Variants in POLN observed in about 807,000 individuals in gnomAD.
The protein encoded by POLN is DNA polymerase nu, also known as DNA polymerase N.
A neutral mutation model predicts 113.5 loss-of-function variants in POLN; 108 were observed. The observed-to-expected ratio is 0.95, with a 90% CI of 0.81 to 1.12. The LOEUF is 1.12. Ranked by LOEUF, POLN falls within the 50% of genes most tolerant of loss-of-function variation. The pLI is 0.00. For synonymous variants in POLN, 386 were observed against 391.5 expected (o/e 0.99, Z 0.17); for missense variants, 1,097 against 1,077.1 (o/e 1.02, Z -0.26).
intron 3 of POLN, 95 bp downstream of exon 3, chr4:2,229,004 A>C (rs1734482148): frequency 8.0e-7 from 1 of 1,250,866 alleles, no homozygotes. Flanking sequence ...GCTGGGCTTC[A>C]TCTGTCTACA....
chr4:2,079,526 G>T, intron 23 of POLN: 1 of 985,828 alleles, frequency 1.0e-6, no homozygotes, highest in South Asian at 4.7e-5. Context: ...GTGTGTGCAC[G>T]TGTGTGTTGG....
chr4:2,242,098 T>G lies in POLN; in HGVS notation c.-331A>C. On this transcript the variant is annotated 5_prime_UTR_variant, in exon 1 of 26. Transcript: ENST00000511885. ...TCGCAGGAGCCCGCCGCCACCGCCC[T>G]CCGTGCCCCGCGCGCCTCGCACTGC... The G allele has an allele frequency of 1.2e-5, 12 of 985,868 alleles. No individual in the cohort carries two copies. Among genetic ancestry groups the G allele is most frequent in the Middle Eastern group, 1.0e-3 (2 of 1,918 alleles). The allele number at this position is 985,868 out of a possible 1,614,324, so 61.1% of individuals were successfully genotyped here.
chr4:2,083,560 T>C (rs1466425478), intron 21 of POLN, among the ~76,000 whole-genome samples: 1 of 152,228 alleles, frequency 6.6e-6, no homozygotes, highest in African/African-American at 2.4e-5. Flanking sequence ...TCAAACCTCA[T>C]TTCTCCTCCA....
chr4:2,119,019 C>T lies in POLN; in HGVS notation c.1982+9094G>A, dbSNP rs181192153. Among the ~76,000 whole-genome samples the T allele has an allele frequency of 5.9e-5, 9 of 152,314 alleles. 1 individual carries two copies. The South Asian group carries it at 6.2e-4, about 11-fold the overall frequency. ...GGCCAAGTCTGACCCCTACCAGGTACGGAAGCACCATCTTCCCTGGACAGG... is the reference window on the plus strand; with the variant it reads ...GGCCAAGTCTGACCCCTACCAGGTATGGAAGCACCATCTTCCCTGGACAGG... On this transcript the variant is annotated intron_variant, in intron 19 of 25. Transcript: ENST00000511885.
intron 6 of POLN, among the ~76,000 whole-genome samples, chr4:2,197,120 G>C (rs1264555674): frequency 6.6e-6 from 1 of 152,170 alleles, no homozygotes; most frequent in Non-Finnish European, 1.5e-5. Flanking sequence ...GCAGTGATGT[G>C]GGGTTTTCCT....
Position 2,208,436 on chromosome 4 carries a change from G to C in POLN, c.265C>G (p.Pro89Ala), listed in dbSNP as rs1733912191. 1 of 1,586,748 alleles carries C rather than the reference G, an allele frequency of 6.3e-7. No individual in the cohort carries two copies. Among genetic ancestry groups the C allele is most frequent in the Non-Finnish European group, 8.5e-7 (1 of 1,172,018 alleles). Residue 89 changes from proline (P) to alanine (A), a missense_variant, in exon 5 of 26, where the codon CCT becomes GCT. By Grantham distance (27) the Pro-to-Ala change is conservative (BLOSUM62 -1). Transcript: ENST00000511885. ...GTGAGCCTGACACTGAAGGACTGAG[G>C]AGACAGCTTGGCAGAACCTCTTGAT... ...QTSRGSAKLSPQSFSVRLTDQ... is the reference protein window; with the variant it reads ...QTSRGSAKLSAQSFSVRLTDQ...
intron 16 of POLN, among the ~76,000 whole-genome samples, chr4:2,155,366 C>G (rs925489689): frequency 3.9e-5 from 6 of 152,234 alleles, no homozygotes; most frequent in Non-Finnish European, 7.3e-5. Flanking sequence ...AGGCCAGAGA[C>G]AGCTGGCAGC....
At chr4:2,184,162 T>C (rs1406125172) in intron 7 of POLN, among the ~76,000 whole-genome samples, 3 of 151,364 alleles carry the variant, frequency 2.0e-5, no homozygotes, top group Non-Finnish European at 4.4e-5. Flanking sequence ...CCAAAGTTTT[T>C]TTTTTTTTTT....
intron 7 of POLN, among the ~76,000 whole-genome samples, chr4:2,181,124 A>T (rs761281777): frequency 9.2e-5 from 14 of 151,978 alleles, no homozygotes; most frequent in Non-Finnish European, 1.8e-4. Flanking sequence ...AGAATTAAGG[A>T]AAGGGAATTT....
At chr4:2,204,454 T>C (rs567649653) in intron 5 of POLN, among the ~76,000 whole-genome samples, 2 of 151,814 alleles carry the variant, frequency 1.3e-5, no homozygotes, top group East Asian at 3.9e-4. Flanking sequence ...AACAAAAAAA[T>C]TACAAATAAA....
intron 5 of POLN, among the ~76,000 whole-genome samples, chr4:2,205,853 C>T (rs1185086239): frequency 3.5e-5 from 5 of 143,824 alleles, no homozygotes; most frequent in Admixed American, 7.2e-5. Context: ...CCAGCTTGGG[C>T]GACAGAGCGA....
At chr4:2,123,624 CAAAAAAAAAA>C (rs771462226) in intron 19 of POLN, among the ~76,000 whole-genome samples, 3 of 54,954 alleles carry the variant, frequency 5.5e-5, no homozygotes, top group Admixed American at 2.2e-4. Context: ...GACCCTGTCT[CAAAAAAAAAA>C]AAAAAAAAAA....
At chr4:2,120,945 A>T (rs1461629325) in intron 19 of POLN, among the ~76,000 whole-genome samples, 1 of 152,246 alleles carries the variant, frequency 6.6e-6, no homozygotes, top group Non-Finnish European at 1.5e-5. Context: ...GAGTTAAAAA[A>T]CAATTCTTTT....
intron 2 of POLN, among the ~76,000 whole-genome samples, chr4:2,236,729 G>A (rs531826211): frequency 1.4e-4 from 21 of 151,954 alleles, no homozygotes; most frequent in African/African-American, 3.4e-4. Context: ...CGGGCATGGC[G>A]GCATGCACCT....
intron 19 of POLN, among the ~76,000 whole-genome samples, chr4:2,121,043 ATT>A (rs1413164375): frequency 1.3e-5 from 2 of 152,046 alleles, no homozygotes; most frequent in Non-Finnish European, 2.9e-5. Context: ...TCTATATGTC[ATT>A]TCCTTTTTTT....
At chr4:2,229,711 A>C (rs1437594556) in intron 2 of POLN, 1 of 152,288 alleles carries the variant, frequency 6.6e-6, no homozygotes, top group Non-Finnish European at 1.5e-5. Flanking sequence ...AATCCCAGCT[A>C]CTCGGGAGGC....
chr4:2,075,090 A>T (rs2108686274), intron 24 of POLN, among the ~76,000 whole-genome samples: 1 of 152,308 alleles, frequency 6.6e-6, no homozygotes, highest in South Asian at 2.1e-4. Flanking sequence ...CAATCAGCCC[A>T]GGTGGCCCCA....
rs964256880 is a variant in POLN at position 2,090,343 on chromosome 4, G to A, written c.2066-4599C>T. ...ATTTCATCTGGCACAGCATCTCCAA[G>A]TACTTTCTCTCATGTGATCAAGGCA... On this transcript the variant is annotated intron_variant, in intron 20 of 25. Transcript: ENST00000511885. The A allele has an allele frequency of 6.4e-6, 5 of 776,338 alleles. No homozygotes were observed. In the African/African-American group the frequency reaches 8.7e-5, roughly 13 times the overall value. The allele number at this position is 776,338 out of a possible 1,614,324, so 48.1% of individuals were successfully genotyped here. A position where few individuals can be genotyped will look rare whatever the true frequency, so the allele number is the denominator to read the frequency against.
chr4:2,173,807 C>A, intron 11 of POLN, 148 bp downstream of exon 11: 1 of 772,088 alleles, frequency 1.3e-6, no homozygotes. Flanking sequence ...TGGTTCTCCC[C>A]TGCAGGCGTC....
Sources: allele counts gnomAD v4.1 joint callset (sites outside exome capture counted in the v4.1 genomes callset), GRCh38; gene constraint gnomAD v4.1.1; transcripts MANE v1.5; gene names NCBI Gene and HGNC (gene_info 2026-07-23, HGNC 2026-07-21).